HTR2A: variants seen among roughly 807,000 people sequenced by gnomAD.
HTR2A encodes 5-hydroxytryptamine receptor 2A, also known as 5-HT2 receptor.
Under a neutral mutation model 31.0 loss-of-function variants are expected in HTR2A, and 14 were observed. The observed-to-expected ratio is 0.45, with a 90% confidence interval of 0.30 to 0.71. HTR2A has a LOEUF of 0.71. Ranked by LOEUF, HTR2A falls within the 30% of genes least tolerant of loss-of-function variation. The probability of loss-of-function intolerance (pLI) is 0.09; values close to 1 mark genes in which losing one functional copy is unlikely to be tolerated. For synonymous variants in HTR2A, 209 were observed against 225.2 expected (o/e 0.93, Z 0.64); for missense variants, 442 against 573.3 (o/e 0.77, Z 2.34).
At chr13:46,872,269 A>G (rs79266184) in intron 3 of HTR2A, among the ~76,000 whole-genome samples, 1,549 of 152,328 alleles carry the variant, frequency 0.01, 24 homozygotes, top group African/African-American at 0.035. Flanking sequence ...TCAAAGACAA[A>G]TAAGACATAG....
chr13:46,837,511 C>T (rs1183066897), intron 3 of HTR2A, among the ~76,000 whole-genome samples: 2 of 152,158 alleles, frequency 1.3e-5, no homozygotes, highest in African/African-American at 4.8e-5. Context: ...TATCAGCACA[C>T]TCAGAATTGT....
At chr13:46,894,455 A>G (rs890707701) in intron 2 of HTR2A, among the ~76,000 whole-genome samples, 1 of 152,198 alleles carries the variant, frequency 6.6e-6, no homozygotes, top group Non-Finnish European at 1.5e-5. Context: ...TGGTCAAGTG[A>G]AGGCTGGACT....
At chr13:46,835,864 A>G (rs1373924642) in intron 3 of HTR2A, among the ~76,000 whole-genome samples, 1 of 152,174 alleles carries the variant, frequency 6.6e-6, no homozygotes, top group African/African-American at 2.4e-5. Flanking sequence ...ACCCTTATAA[A>G]GAAGTATAAT....
rs530840051 is a variant in HTR2A at position 46,861,958 on chromosome 13, G to A, written c.614-26319C>T. 1.6e-4 allele frequency among the ~76,000 whole-genome samples: 24 copies of A among 152,304 alleles called. No individual in the cohort carries two copies. The South Asian group carries it at 4.6e-3, about 29-fold the overall frequency. ...ATGAGGAATATTGGATGCACATGGA[G>A]ATAACCTCCTTGTTTGTCTATAAGA... On this transcript the variant is annotated intron_variant, in intron 3 of 3. Transcript: ENST00000542664.
intron 3 of HTR2A, among the ~76,000 whole-genome samples, chr13:46,858,952 G>A (rs961762715): frequency 6.6e-6 from 1 of 152,150 alleles, no homozygotes; most frequent in South Asian, 2.1e-4. Flanking sequence ...TCACTAAGAC[G>A]TTCGAATTCT....
In HTR2A at chr13:46,878,626, A is replaced by C. The variant is rs529570011; in HGVS notation, c.613+13764T>G. ...TCTGGAGAATATTACCATTTAAGGA[A>C]GAGGAGAAAAGGAGTCTGCAAAAGC... On this transcript the variant is annotated intron_variant, in intron 3 of 3. Transcript: ENST00000542664. Among the ~76,000 whole-genome samples, 55 of 152,200 alleles carry C rather than the reference A, an allele frequency of 3.6e-4. 1 individual carries two copies. The highest frequency in any genetic ancestry group is 1.2e-4 in the Non-Finnish European group (8 of 68,026).
chr13:46,857,028 G>A (rs1000551799), intron 3 of HTR2A, among the ~76,000 whole-genome samples: 1 of 152,230 alleles, frequency 6.6e-6, no homozygotes, highest in Non-Finnish European at 1.5e-5. Flanking sequence ...CTGGCTGGGC[G>A]CGGTGGCTCA....
intron 3 of HTR2A, among the ~76,000 whole-genome samples, chr13:46,855,048 A>G (rs984825578): frequency 6.6e-6 from 1 of 152,166 alleles, no homozygotes; most frequent in Non-Finnish European, 1.5e-5. Flanking sequence ...GTCAGGGAAC[A>G]CCAAATTGAC....
At chr13:46,889,574 A>C (rs1951034451) in intron 3 of HTR2A, among the ~76,000 whole-genome samples, 1 of 152,210 alleles carries the variant, frequency 6.6e-6, no homozygotes, top group African/African-American at 2.4e-5. Context: ...CCAGGAATGT[A>C]AGACAGTATT....
upstream of HTR2A, among the ~76,000 whole-genome samples, chr13:46,897,389 T>TA (rs1306299045): frequency 6.6e-6 from 1 of 152,222 alleles, no homozygotes; most frequent in African/African-American, 2.4e-5. Flanking sequence ...AGAGTGGAAT[T>TA]ACTGACATTG....
intron 3 of HTR2A, among the ~76,000 whole-genome samples, chr13:46,856,467 T>C (rs17359763): frequency 0.054 from 8,229 of 152,192 alleles, 267 homozygotes; most frequent in African/African-American, 0.088. Flanking sequence ...TAAATGAATG[T>C]GAGGCTTGGC....
intron 3 of HTR2A, among the ~76,000 whole-genome samples, chr13:46,866,587 T>C (rs1950819997): frequency 6.6e-6 from 1 of 152,234 alleles, no homozygotes; most frequent in African/African-American, 2.4e-5. Flanking sequence ...TTCCCATTCA[T>C]TTAACAAATA....
At chr13:46,893,419 G>A (rs1266326071) in intron 2 of HTR2A, among the ~76,000 whole-genome samples, 1 of 152,166 alleles carries the variant, frequency 6.6e-6, no homozygotes, top group African/African-American at 2.4e-5. Context: ...GATGCTGCTG[G>A]TCCAGGGACC....
At chr13:46,855,076 TAAG>T (rs1950722718) in intron 3 of HTR2A, among the ~76,000 whole-genome samples, 1 of 152,130 alleles carries the variant, frequency 6.6e-6, no homozygotes, top group African/African-American at 2.4e-5. Context: ...CCCCCAGAGC[TAAG>T]AAGAGGCCAT....
intron 2 of HTR2A, 137 bp from the exon 3 acceptor site, chr13:46,892,727 G>A: frequency 3.0e-6 from 2 of 676,968 alleles, no homozygotes; most frequent in Non-Finnish European, 5.0e-6. Flanking sequence ...TTTAGTATTT[G>A]AAAAAAGCCC....
At chr13:46,885,686 C>A in intron 3 of HTR2A, among the ~76,000 whole-genome samples, 1 of 152,218 alleles carries the variant, frequency 6.6e-6, no homozygotes, top group East Asian at 1.9e-4. Flanking sequence ...AAATAATTCA[C>A]ATTTCCACAA....
chr13:46,892,326 C>A, intron 3 of HTR2A, 64 bp downstream of exon 3: 1 of 1,483,976 alleles, frequency 6.7e-7, no homozygotes, highest in Non-Finnish European at 9.4e-7. Flanking sequence ...CAAAATGGAA[C>A]AAGTCTTTTC....
At chr13:46,841,546 C>A (rs1473563971) in intron 3 of HTR2A, among the ~76,000 whole-genome samples, 1 of 151,840 alleles carries the variant, frequency 6.6e-6, no homozygotes, top group Admixed American at 6.6e-5. Context: ...GATGTTAGTA[C>A]TTTAAAAAAT....
intron 3 of HTR2A, among the ~76,000 whole-genome samples, chr13:46,858,537 TAGAC>T (rs1347943614): frequency 6.6e-6 from 1 of 152,208 alleles, no homozygotes; most frequent in Non-Finnish European, 1.5e-5. Context: ...TATAATATTT[TAGAC>T]AGGCGAGAAA....
Sources: allele counts gnomAD v4.1 joint callset (sites outside exome capture counted in the v4.1 genomes callset), GRCh38; gene constraint gnomAD v4.1.1; transcripts MANE v1.5; gene names NCBI Gene and HGNC (gene_info 2026-07-23, HGNC 2026-07-21).